Variants in ZNF423 observed in about 807,000 individuals in gnomAD.
ZNF423 encodes zinc finger protein 423.
In ZNF423, 12 loss-of-function variants were observed where a neutral mutation model predicts 95.8. The observed-to-expected ratio is 0.13, with a 90% CI of 0.08 to 0.20. The LOEUF (loss-of-function observed/expected upper bound fraction) is 0.20, where lower values mean the gene tolerates loss of function less well. Ranked by LOEUF, ZNF423 falls within the 10% of genes least tolerant of loss-of-function variation. The probability of loss-of-function intolerance (pLI) is 1.00; values close to 1 mark genes in which losing one functional copy is unlikely to be tolerated. For synonymous variants in ZNF423, 749 were observed against 711.9 expected (o/e 1.05, Z -0.83); for missense variants, 1,316 against 1,737.1 (o/e 0.76, Z 4.31).
intron 5 of ZNF423, among the ~76,000 whole-genome samples, chr16:49,605,037 C>A (rs553299958): frequency 5.3e-5 from 8 of 152,316 alleles, no homozygotes; most frequent in Middle Eastern, 3.4e-3. Context: ...CTTCCATGCC[C>A]ATAACAGCCC....
intron 3 of ZNF423, among the ~76,000 whole-genome samples, chr16:49,680,448 T>C (rs966687720): frequency 1.3e-5 from 2 of 152,170 alleles, no homozygotes; most frequent in Admixed American, 6.5e-5. Context: ...GGAAAAACAC[T>C]CCCTGCTTAC....
At chr16:49,619,309 G>T (rs1392377617) in intron 5 of ZNF423, among the ~76,000 whole-genome samples, 1 of 152,110 alleles carries the variant, frequency 6.6e-6, no homozygotes, top group East Asian at 1.9e-4. Context: ...GAACATGAAG[G>T]TATGAGGTTA....
At chr16:49,501,170 A>G (rs1397440955) in intron 7 of ZNF423, among the ~76,000 whole-genome samples, 1 of 152,192 alleles carries the variant, frequency 6.6e-6, no homozygotes, top group Non-Finnish European at 1.5e-5. Context: ...CCTCAAGATT[A>G]GAGTGTGGGT....
intron 2 of ZNF423, among the ~76,000 whole-genome samples, chr16:49,758,096 C>T (rs1429937338): frequency 2.0e-5 from 3 of 152,150 alleles, no homozygotes; most frequent in East Asian, 1.9e-4. Context: ...ATGGTTTACC[C>T]GGGAGCCTAA....
intron 5 of ZNF423, among the ~76,000 whole-genome samples, chr16:49,601,368 G>T (rs1294156474): frequency 6.6e-6 from 1 of 152,208 alleles, no homozygotes; most frequent in East Asian, 1.9e-4. Flanking sequence ...GGGCTGATGG[G>T]AGAATTAAGT....
intron 3 of ZNF423, among the ~76,000 whole-genome samples, chr16:49,654,742 C>T (rs1344728380): frequency 2.6e-5 from 4 of 152,206 alleles, no homozygotes; most frequent in African/African-American, 4.8e-5. Flanking sequence ...AGAAAGTTAG[C>T]GCCCTTTCCA....
At position 49,647,881 on chromosome 16, in the gene ZNF423, T is replaced by TG. The variant is rs557648064; in HGVS notation, c.302-9008dup. Among the ~76,000 whole-genome samples the TG allele has an allele frequency of 1.2e-4, 19 of 152,102 alleles. No homozygotes were observed. In the East Asian group the frequency reaches 3.1e-3, roughly 25 times the overall value. On this transcript the variant is annotated intron_variant, in intron 3 of 7. Coordinates refer to ENST00000563137, the MANE Select transcript of ZNF423 (RefSeq NM_001379286.1). ...CTAATACAGATTTTGGTACCAGGAG[T>TG]GGGGTGCTATGAGAACAAATACCTA...
At chr16:49,601,432 TA>T (rs1486523157) in intron 5 of ZNF423, among the ~76,000 whole-genome samples, 1 of 152,220 alleles carries the variant, frequency 6.6e-6, no homozygotes, top group African/African-American at 2.4e-5. Flanking sequence ...GGATCAATAT[TA>T]CTGTTGTTAT....
chr16:49,828,340 C>G (rs2035027606), intron 1 of ZNF423, among the ~76,000 whole-genome samples: 1 of 152,200 alleles, frequency 6.6e-6, no homozygotes, highest in Non-Finnish European at 1.5e-5. Context: ...GGCTTTTAGG[C>G]AACAGTCTGG....
chr16:49,837,094 A>G (rs1323695160), intron 1 of ZNF423, among the ~76,000 whole-genome samples: 1 of 152,152 alleles, frequency 6.6e-6, no homozygotes, highest in Non-Finnish European at 1.5e-5. Context: ...GGGGCAGCTC[A>G]GTGTGCAAAG....
At chr16:49,736,239 A>C (rs2033283088) in intron 2 of ZNF423, among the ~76,000 whole-genome samples, 1 of 152,212 alleles carries the variant, frequency 6.6e-6, no homozygotes, top group Non-Finnish European at 1.5e-5. Context: ...ATTAGATTGA[A>C]TCATATAAAG....
intron 5 of ZNF423, among the ~76,000 whole-genome samples, chr16:49,545,297 G>A (rs1177979994): frequency 6.6e-6 from 1 of 152,100 alleles, no homozygotes; most frequent in Non-Finnish European, 1.5e-5. Flanking sequence ...TGAATCTCAG[G>A]GCCCTGACTC....
intron 3 of ZNF423, among the ~76,000 whole-genome samples, chr16:49,669,066 A>C (rs1471356152): frequency 6.6e-6 from 1 of 152,144 alleles, no homozygotes; most frequent in Non-Finnish European, 1.5e-5. Flanking sequence ...GCGGCAGCTC[A>C]TGTCTGTAAT....
chr16:49,764,002 G>C (rs1379315917), intron 2 of ZNF423, among the ~76,000 whole-genome samples: 1 of 152,204 alleles, frequency 6.6e-6, no homozygotes, highest in Non-Finnish European at 1.5e-5. Context: ...GAGGCAGCCT[G>C]CTGGCCCCAC....
chr16:49,781,195 G>A (rs929354607), intron 2 of ZNF423, among the ~76,000 whole-genome samples: 1 of 152,156 alleles, frequency 6.6e-6, no homozygotes, highest in Non-Finnish European at 1.5e-5. Context: ...AGAAGGTGCT[G>A]GGAGCCCCTG....
chr16:49,759,440 T>A (rs7185394), intron 2 of ZNF423, among the ~76,000 whole-genome samples: 1 of 151,750 alleles, frequency 6.6e-6, no homozygotes, highest in Non-Finnish European at 1.5e-5. Flanking sequence ...CTTGCCTAGG[T>A]GCAATGCAAC....
chr16:49,814,663 T>C (rs994419106), intron 1 of ZNF423, among the ~76,000 whole-genome samples: 2 of 151,954 alleles, frequency 1.3e-5, no homozygotes, highest in East Asian at 3.9e-4. Context: ...ATAAGATTTG[T>C]TCCAGAAAAG....
At position 49,625,445 on chromosome 16, in the gene ZNF423, CA is replaced by C. The variant is rs1596737248; in HGVS notation, c.3601+724del. Among the ~76,000 whole-genome samples, 4 of 152,336 alleles carry C rather than the reference CA, an allele frequency of 2.6e-5. No individual in the cohort carries two copies. In the East Asian group the frequency reaches 7.7e-4, roughly 29 times the overall value. The stretch of plus-strand genomic sequence containing the variant: ...TTGGAGAAAGTGATCACATGTCCAA[CA>C]AAGACCCAGGGTACCAGGCTTCTTG... On this transcript the variant is annotated intron_variant, in intron 5 of 7. Transcript: ENST00000563137.
intron 1 of ZNF423, among the ~76,000 whole-genome samples, chr16:49,824,146 C>T (rs947859799): frequency 1.3e-5 from 2 of 152,006 alleles, no homozygotes; most frequent in Non-Finnish European, 2.9e-5. Flanking sequence ...AGTGTCAAAA[C>T]TGGGGGGGAA....
Sources: gnomAD v4.1 joint callset for allele counts (sites outside exome capture counted in the v4.1 genomes callset) on GRCh38, gnomAD v4.1.1 for gene constraint, MANE v1.5 for transcripts, NCBI Gene and HGNC (gene_info 2026-07-23, HGNC 2026-07-21) for gene names.